ROBO2: variants seen among roughly 807,000 people sequenced by gnomAD.
The protein encoded by ROBO2 is roundabout homolog 2.
A neutral mutation model predicts 160.8 loss-of-function variants in ROBO2; 53 were observed. The ratio of observed to expected loss-of-function variants is 0.33; its 90% CI spans 0.26 to 0.41. The LOEUF is 0.41. ROBO2 is among the 10% of genes least tolerant of loss of function. The pLI is 1.00. For missense variants in ROBO2, 1,577 were observed against 1,722.4 expected, an observed-to-expected ratio of 0.92 and a Z score of 1.49; for synonymous variants, 664 against 611.7, an observed-to-expected ratio of 1.09 and a Z score of -1.26.
At chr3:77,305,743 AT>A (rs1448517379) in intron 2 of ROBO2, among the ~76,000 whole-genome samples, 4 of 152,358 alleles carry the variant, frequency 2.6e-5, no homozygotes, top group African/African-American at 9.6e-5. Context: ...AACCAAAAAA[AT>A]CTTTGAATTT....
At chr3:77,283,542 T>C (rs1164051857) in intron 2 of ROBO2, among the ~76,000 whole-genome samples, 2 of 152,206 alleles carry the variant, frequency 1.3e-5, no homozygotes, top group Admixed American at 1.3e-4. Context: ...ACATACCAAC[T>C]ACTCTTTAAA....
intron 2 of ROBO2, among the ~76,000 whole-genome samples, chr3:77,352,480 A>G (rs2068491081): frequency 6.6e-6 from 1 of 152,072 alleles, no homozygotes; most frequent in Non-Finnish European, 1.5e-5. Flanking sequence ...TTTTTTTCCC[A>G]GAGTCTAAAG....
chr3:77,322,671 C>A (rs1284192855), intron 2 of ROBO2, among the ~76,000 whole-genome samples: 1 of 148,888 alleles, frequency 6.7e-6, no homozygotes, highest in Non-Finnish European at 1.5e-5. Flanking sequence ...TAGATATTTT[C>A]ATTCTTGAAT....
intron 24 of ROBO2, among the ~76,000 whole-genome samples, chr3:77,644,150 T>C (rs2153724500): frequency 6.6e-6 from 1 of 152,264 alleles, no homozygotes; most frequent in Admixed American, 6.5e-5. Context: ...ATTATTTATT[T>C]AAATGTGTGA....
chr3:77,091,980 A>AAAATAAATAAATAAAT (rs147580308), intron 1 of ROBO2: 1 of 143,714 alleles, frequency 7.0e-6, no homozygotes, highest in Non-Finnish European at 1.5e-5. Flanking sequence ...TCTCTGACTC[A>AAAATAAATAAATAAAT]AAATAAATAA....
intron 2 of ROBO2, among the ~76,000 whole-genome samples, chr3:77,268,141 A>G (rs1182250237): frequency 6.6e-6 from 1 of 152,224 alleles, no homozygotes; most frequent in Non-Finnish European, 1.5e-5. Flanking sequence ...GCTTACTGTT[A>G]TAACATAATT....
At chr3:76,540,236 A>G (rs1460217096) in intron 2 of ROBO2, among the ~76,000 whole-genome samples, 1 of 152,238 alleles carries the variant, frequency 6.6e-6, no homozygotes, top group Non-Finnish European at 1.5e-5. Flanking sequence ...AGTGACTACA[A>G]GGGATAAATA....
chr3:76,070,365 C>T (rs1010155444), intron 2 of ROBO2, among the ~76,000 whole-genome samples: 6 of 152,090 alleles, frequency 3.9e-5, no homozygotes, highest in Non-Finnish European at 8.8e-5. Flanking sequence ...TTATGTTCGA[C>T]ATTGCAGAGA....
At chr3:77,570,368 A>C (rs1485090746) in intron 13 of ROBO2, among the ~76,000 whole-genome samples, 1 of 151,934 alleles carries the variant, frequency 6.6e-6, no homozygotes, top group Non-Finnish European at 1.5e-5. Context: ...GTACCCCAAG[A>C]AGCTATCATT....
chr3:77,186,867 A>G (rs1260243607), intron 2 of ROBO2, among the ~76,000 whole-genome samples: 1 of 152,008 alleles, frequency 6.6e-6, no homozygotes, highest in Non-Finnish European at 1.5e-5. Flanking sequence ...AATATTATTT[A>G]TAGATTGAAC....
At chr3:76,423,229 A>G (rs2108945058) in intron 2 of ROBO2, among the ~76,000 whole-genome samples, 1 of 152,322 alleles carries the variant, frequency 6.6e-6, no homozygotes, top group African/African-American at 2.4e-5. Flanking sequence ...AGAACAGAAG[A>G]GAGAGCAGAT....
intron 2 of ROBO2, among the ~76,000 whole-genome samples, chr3:76,812,197 A>T (rs1006325117): frequency 7.2e-5 from 11 of 151,792 alleles, no homozygotes; most frequent in African/African-American, 1.5e-4. Context: ...AGGGAGCTGG[A>T]TACAATTCCA....
intron 2 of ROBO2, among the ~76,000 whole-genome samples, chr3:76,618,827 T>A (rs1028948162): frequency 2.6e-5 from 4 of 151,752 alleles, no homozygotes; most frequent in African/African-American, 9.7e-5. Context: ...TCAAATAGCA[T>A]TCGTTTTTAA....
intron 2 of ROBO2, among the ~76,000 whole-genome samples, chr3:76,437,412 A>G (rs953726502): frequency 1.3e-5 from 2 of 152,196 alleles, no homozygotes; most frequent in Admixed American, 6.5e-5. Context: ...TATTTGAAGG[A>G]AAGAAAATCA....
At chr3:77,199,921 C>T (rs1422894708) in intron 2 of ROBO2, among the ~76,000 whole-genome samples, 1 of 148,456 alleles carries the variant, frequency 6.7e-6, no homozygotes, top group Non-Finnish European at 1.5e-5. Context: ...AGCCACTGCA[C>T]CTGGCCTAAT....
intron 2 of ROBO2, among the ~76,000 whole-genome samples, chr3:76,963,844 A>AG (rs1354920814): frequency 6.6e-6 from 1 of 150,750 alleles, no homozygotes; most frequent in Non-Finnish European, 1.5e-5. Flanking sequence ...TGCAAAAAAA[A>AG]AAAAAGAAAA....
At position 77,574,846 on chromosome 3, in the gene ROBO2, GA is replaced by G. The variant is rs1471198913; in HGVS notation, c.2203+118del. On this transcript the variant is annotated intron_variant, in intron 14 of 25. Transcript: ENST00000461745. ...AGATATCACCTAAAAGTAAATTGAG[GA>G]AGTGTCGTTTTCTCCTTTTATTCTG... 5.1e-6 allele frequency: 4 copies of G among 783,150 alleles called. No individual in the cohort carries two copies. The African/African-American group carries it at 7.0e-5, about 14-fold the overall frequency. The allele number at this position is 783,150 out of a possible 1,614,324, so 48.5% of individuals were successfully genotyped here.
At chr3:76,800,816 G>A (rs902522699) in intron 2 of ROBO2, among the ~76,000 whole-genome samples, 1 of 152,042 alleles carries the variant, frequency 6.6e-6, no homozygotes, top group African/African-American at 2.4e-5. Flanking sequence ...CAGTATGGGG[G>A]TTCCTCAAAT....
At chr3:77,393,896 CTA>C (rs2075000267) in intron 2 of ROBO2, among the ~76,000 whole-genome samples, 1 of 151,880 alleles carries the variant, frequency 6.6e-6, no homozygotes, top group Non-Finnish European at 1.5e-5. Context: ...AAAATATAAA[CTA>C]GACTTTATCA....
Sources: gnomAD v4.1 joint callset for allele counts (sites outside exome capture counted in the v4.1 genomes callset) on GRCh38, gnomAD v4.1.1 for gene constraint, MANE v1.5 for transcripts, NCBI Gene and HGNC (gene_info 2026-07-23, HGNC 2026-07-21) for gene names.